Variants in MMP26 observed in about 807,000 individuals in gnomAD.
MMP26 encodes matrix metalloproteinase-26.
A neutral mutation model predicts 31.0 loss-of-function variants in MMP26; 33 were observed. The ratio of observed to expected loss-of-function variants is 1.06; its 90% CI spans 0.81 to 1.42. The LOEUF (loss-of-function observed/expected upper bound fraction) is 1.42. Among genes scored for constraint, MMP26 ranks in the 40% most tolerant of loss-of-function variants. The probability of loss-of-function intolerance (pLI) is 0.00; values close to 1 mark genes in which losing one functional copy is unlikely to be tolerated. For missense variants in MMP26, 347 were observed against 316.1 expected (o/e 1.10, Z -0.74); for synonymous variants, 122 against 114.9 (o/e 1.06, Z -0.40).
chr11:4,715,798 A>G (rs897521206), intron 1 of MMP26, among the ~76,000 whole-genome samples: 9 of 152,166 alleles, frequency 5.9e-5, no homozygotes, highest in African/African-American at 2.2e-4. Flanking sequence ...AGCAATACCC[A>G]TGCCTTGGGT....
At chr11:4,980,783 T>A (rs201583593) in intron 2 of MMP26, among the ~76,000 whole-genome samples, 1 of 123,898 alleles carries the variant, frequency 8.1e-6, no homozygotes, top group Non-Finnish European at 1.5e-5. Flanking sequence ...TTGAAGGAAG[T>A]ATTTGTGGAC....
At chr11:4,909,155 C>G (rs1011588554) in intron 2 of MMP26, 1 of 151,950 alleles carries the variant, frequency 6.6e-6, no homozygotes, top group South Asian at 2.1e-4. Flanking sequence ...AAAAAATCAG[C>G]CCCTCTAATA....
At chr11:4,846,035 A>G (rs1849861976) in intron 2 of MMP26, among the ~76,000 whole-genome samples, 1 of 152,196 alleles carries the variant, frequency 6.6e-6, no homozygotes, top group Non-Finnish European at 1.5e-5. Context: ...CCTATGATCC[A>G]GCTATCCCAC....
chr11:4,972,559 T>C (rs890083823), intron 2 of MMP26, among the ~76,000 whole-genome samples: 2 of 152,184 alleles, frequency 1.3e-5, no homozygotes, highest in African/African-American at 4.8e-5. Context: ...CAAAAATATG[T>C]GCTGAAAATA....
In MMP26 at chr11:4,954,463, C is replaced by A. The variant is rs1343109961; in HGVS notation, c.-144-33605C>A. On this transcript the variant is annotated intron_variant, in intron 2 of 7. Coordinates refer to ENST00000380390, the MANE Select transcript of MMP26 (RefSeq NM_021801.5). ...GTATAGAGAGACTGAATGTAGATAA[C>A]GAGGAATCCAACTTCTGTCAGAACT... 1.7e-5 allele frequency among the ~76,000 whole-genome samples: 2 copies of A among 118,986 alleles called. 1 individual carries two copies. Among genetic ancestry groups the A allele is most frequent in the South Asian group, 5.0e-4 (2 of 3,984 alleles). The allele number at this position is 118,986 out of a possible 152,430, so 78.1% of individuals were successfully genotyped here.
intron 2 of MMP26, among the ~76,000 whole-genome samples, chr11:4,893,833 A>T (rs1179395552): frequency 3.3e-5 from 5 of 152,082 alleles, no homozygotes; most frequent in Non-Finnish European, 7.4e-5. Flanking sequence ...TCACACCTGT[A>T]AGCCATCACA....
intron 2 of MMP26, among the ~76,000 whole-genome samples, chr11:4,879,279 A>G (rs1850426342): frequency 6.6e-6 from 1 of 152,176 alleles, no homozygotes; most frequent in African/African-American, 2.4e-5. Flanking sequence ...AGATATAATC[A>G]GGATTATTAA....
At chr11:4,986,507 G>C (rs1846890513) in intron 2 of MMP26, among the ~76,000 whole-genome samples, 1 of 110,990 alleles carries the variant, frequency 9.0e-6, no homozygotes, top group South Asian at 3.4e-4. Context: ...ACCATGCCCA[G>C]TCGATTTTTT....
intron 2 of MMP26, chr11:4,849,362 C>T: frequency 1.4e-6 from 1 of 716,030 alleles, no homozygotes; most frequent in South Asian, 1.9e-5. Flanking sequence ...ATACACATTT[C>T]CTCCCTGTGC....
Position 4,914,544 on chromosome 11 carries a change from A to AG in MMP26, c.-144-73524_-144-73523insG, listed in dbSNP as rs11378088. 1.1e-5 allele frequency: 6 copies of AG among 541,212 alleles called. No individual in the cohort carries two copies. In the African/African-American group the frequency reaches 1.1e-4, roughly 10 times the overall value. 33.5% of individuals were successfully genotyped at this position (541,212 alleles called of 1,614,324 possible). A position where few individuals can be genotyped will look rare whatever the true frequency, so the allele number is the denominator to read the frequency against. Reference sequence around the variant, plus strand: ...AATTTACCACATCATATTACATTTTACCCCCCCCTGCCCTGGCCACAACAG... The same window carrying AG: ...AATTTACCACATCATATTACATTTTAGCCCCCCCCTGCCCTGGCCACAACAG... On this transcript the variant is annotated intron_variant, in intron 2 of 7. Transcript: ENST00000380390.
chr11:4,833,375 T>C (rs1194096972), intron 2 of MMP26, among the ~76,000 whole-genome samples: 1 of 152,226 alleles, frequency 6.6e-6, no homozygotes, highest in Non-Finnish European at 1.5e-5. Context: ...AATCTTCTAA[T>C]GAGAAGTTAG....
intron 2 of MMP26, among the ~76,000 whole-genome samples, chr11:4,836,429 A>G (rs941852810): frequency 6.6e-6 from 1 of 150,732 alleles, no homozygotes; most frequent in Non-Finnish European, 1.5e-5. Flanking sequence ...TTATATATAC[A>G]CAATATTATA....
intron 1 of MMP26, among the ~76,000 whole-genome samples, chr11:4,737,909 T>C (rs2133289849): frequency 6.6e-6 from 1 of 152,350 alleles, no homozygotes; most frequent in East Asian, 1.9e-4. Context: ...CATGGCTCAC[T>C]GCTTTCTCAA....
At chr11:4,891,013 A>AATAATC (rs1554889157) in intron 2 of MMP26, among the ~76,000 whole-genome samples, 27 of 147,958 alleles carry the variant, frequency 1.8e-4, no homozygotes, top group Non-Finnish European at 2.2e-4. Flanking sequence ...TAATAATAAT[A>AATAATC]ATAATAATAA....
chr11:4,843,043 A>G (rs914017541), intron 2 of MMP26, among the ~76,000 whole-genome samples: 2 of 152,188 alleles, frequency 1.3e-5, no homozygotes, highest in African/African-American at 4.8e-5. Context: ...CACCCAGGGC[A>G]TGCTGATGCA....
chr11:4,983,911 T>C (rs1846849945), intron 2 of MMP26, among the ~76,000 whole-genome samples: 1 of 152,244 alleles, frequency 6.6e-6, no homozygotes, highest in Non-Finnish European at 1.5e-5. Context: ...CACAGGCGAT[T>C]CTATGCATAT....
chr11:4,808,760 C>CTTT (rs11335702), intron 2 of MMP26, among the ~76,000 whole-genome samples: 3 of 142,370 alleles, frequency 2.1e-5, no homozygotes, highest in African/African-American at 7.8e-5. Context: ...CTCAGATTTT[C>CTTT]TTTTTTTTTT....
chr11:4,771,159 T>C (rs966845831), intron 2 of MMP26, among the ~76,000 whole-genome samples: 3 of 152,206 alleles, frequency 2.0e-5, no homozygotes, highest in African/African-American at 7.2e-5. Flanking sequence ...GAGAAATTGA[T>C]ATGTTTATAA....
At chr11:4,926,214 A>G (rs12274659) in intron 2 of MMP26, among the ~76,000 whole-genome samples, 3,977 of 152,000 alleles carry the variant, frequency 0.026, 153 homozygotes, top group African/African-American at 0.088. Flanking sequence ...TTATGATTTC[A>G]AATGAGAAGC....
Sources: gnomAD v4.1 joint callset for allele counts (sites outside exome capture counted in the v4.1 genomes callset) on GRCh38, gnomAD v4.1.1 for gene constraint, MANE v1.5 for transcripts, NCBI Gene and HGNC (gene_info 2026-07-23, HGNC 2026-07-21) for gene names.